GRIA4: variants seen among roughly 807,000 people sequenced by gnomAD.
The protein encoded by GRIA4 is glutamate ionotropic receptor AMPA type subunit 4.
A neutral mutation model predicts 104.0 loss-of-function variants in GRIA4; 34 were observed. The observed-to-expected ratio is 0.33, with a 90% CI of 0.25 to 0.44. GRIA4 has a LOEUF of 0.44. Ranked by LOEUF, GRIA4 falls within the 20% of genes least tolerant of loss-of-function variation. The pLI is 1.00. For synonymous variants in GRIA4, 386 were observed against 381.9 expected (o/e 1.01, Z -0.13); for missense variants, 750 against 1,096.5 (o/e 0.68, Z 4.46).
At chr11:105,695,309 C>G (rs1953230463) in intron 3 of GRIA4, among the ~76,000 whole-genome samples, 2 of 152,180 alleles carry the variant, frequency 1.3e-5, no homozygotes, top group South Asian at 4.1e-4. Flanking sequence ...CTCTTCCCAG[C>G]TGATTCTCTT....
intron 3 of GRIA4, among the ~76,000 whole-genome samples, chr11:105,747,647 A>G (rs1939739442): frequency 6.6e-6 from 1 of 152,176 alleles, no homozygotes; most frequent in South Asian, 2.1e-4. Flanking sequence ...AAGTTGACAA[A>G]CCTAGTAGAT....
At chr11:105,641,449 A>C (rs1408644017) in intron 3 of GRIA4, among the ~76,000 whole-genome samples, 2 of 152,174 alleles carry the variant, frequency 1.3e-5, no homozygotes, top group Non-Finnish European at 2.9e-5. Context: ...CTTAGCTAAG[A>C]CTAGAATATA....
chr11:105,668,675 G>GTTTTTTTTTT (rs368844903), intron 3 of GRIA4, among the ~76,000 whole-genome samples: 4 of 121,450 alleles, frequency 3.3e-5, no homozygotes, highest in Non-Finnish European at 5.0e-5. Context: ...ATTATCTTTT[G>GTTTTTTTTTT]TCTTTTTTTT....
chr11:105,952,065 C>T (rs1330578419), intron 14 of GRIA4, among the ~76,000 whole-genome samples: 1 of 152,186 alleles, frequency 6.6e-6, no homozygotes, highest in Admixed American at 6.5e-5. Flanking sequence ...CTCAATAAAT[C>T]AGTCTTAAAA....
intron 5 of GRIA4, 62 bp from the exon 6 acceptor site, chr11:105,887,457 T>A: frequency 1.4e-6 from 1 of 709,152 alleles, no homozygotes; most frequent in Non-Finnish European, 2.4e-6. Context: ...TAGATAATAA[T>A]TTTAAAATAA....
In GRIA4 at chr11:105,611,100, G is replaced by C. The variant is rs1439695748; in HGVS notation, c.88+15G>C. Reference sequence around the variant, plus strand: ...CGTGCAAATAGGTAAGGTGTGCTCCGATGGGGTGTGCATGTGGCTGGTTGT... The same window carrying C: ...CGTGCAAATAGGTAAGGTGTGCTCCCATGGGGTGTGCATGTGGCTGGTTGT... On this transcript the variant is annotated intron_variant, in intron 2 of 16. Transcript: ENST00000282499. The C allele has an allele frequency of 2.5e-6, 4 of 1,583,460 alleles. No homozygotes were observed. Among genetic ancestry groups the C allele is most frequent in the African/African-American group, 1.3e-5 (1 of 74,232 alleles).
intron 14 of GRIA4, among the ~76,000 whole-genome samples, chr11:105,937,987 A>G (rs1434082810): frequency 6.6e-6 from 1 of 152,008 alleles, no homozygotes; most frequent in Non-Finnish European, 1.5e-5. Flanking sequence ...GGGAGGAAAT[A>G]CTCAGCATGG....
intron 4 of GRIA4, among the ~76,000 whole-genome samples, chr11:105,806,964 GA>G (rs1261388284): frequency 6.6e-6 from 1 of 151,232 alleles, no homozygotes; most frequent in Non-Finnish European, 1.5e-5. Flanking sequence ...ATATAGAAGT[GA>G]AAAACTTAAG....
intron 3 of GRIA4, among the ~76,000 whole-genome samples, chr11:105,752,297 G>C (rs1216095860): frequency 6.6e-6 from 1 of 152,062 alleles, no homozygotes; most frequent in African/African-American, 2.4e-5. Context: ...GTTTGTCTTT[G>C]CTTTTCGGCC....
intron 3 of GRIA4, among the ~76,000 whole-genome samples, chr11:105,621,011 C>G (rs1294676045): frequency 6.6e-6 from 1 of 151,542 alleles, no homozygotes; most frequent in Non-Finnish European, 1.5e-5. Flanking sequence ...TCATCAGGTG[C>G]CTCCGACTTA....
chr11:105,923,744 C>T (rs1223282925), intron 11 of GRIA4, among the ~76,000 whole-genome samples: 1 of 152,030 alleles, frequency 6.6e-6, no homozygotes, highest in Admixed American at 6.6e-5. Context: ...TTTTCAAAAT[C>T]TTTTTTTAAA....
At chr11:105,771,099 A>G (rs144589513) in intron 4 of GRIA4, among the ~76,000 whole-genome samples, 2,049 of 152,110 alleles carry the variant, frequency 0.013, 22 homozygotes, top group Non-Finnish European at 0.019. Flanking sequence ...AATACCCTCT[A>G]TAACTTGTAC....
intron 3 of GRIA4, among the ~76,000 whole-genome samples, chr11:105,644,161 A>G (rs1029147568): frequency 2.0e-5 from 3 of 152,220 alleles, no homozygotes; most frequent in Non-Finnish European, 2.9e-5. Context: ...AAGGAGAAAA[A>G]AAATGTGTGG....
In GRIA4 at chr11:105,611,031, T is replaced by C; in HGVS notation, c.34T>C (p.Phe12Leu). The change falls in exon 2 of 17, where the codon TTT (phenylalanine) becomes CTT (leucine). Residue 12 changes from phenylalanine to leucine, a missense_variant. Phe to Leu is a conservative substitution (Grantham distance 22). Coordinates refer to ENST00000282499, the MANE Select transcript of GRIA4 (RefSeq NM_000829.4). ...TATTTCCAGACAGATTGTCTTGTTA[T>C]TTTCTGGATTTTGGGGACTCGCCAT... ...RIISRQIVLL[F>L]SGFWGLAMGA... 1.2e-6 allele frequency: 2 copies of C among 1,613,656 alleles called. No homozygotes were observed. Among genetic ancestry groups the C allele is most frequent in the Non-Finnish European group, 1.7e-6 (2 of 1,179,700 alleles).
At chr11:105,806,148 GT>G (rs1942944659) in intron 4 of GRIA4, among the ~76,000 whole-genome samples, 1 of 151,726 alleles carries the variant, frequency 6.6e-6, no homozygotes, top group Admixed American at 6.6e-5. Context: ...TGAATTCTTT[GT>G]TTGTTTGTTT....
chr11:105,836,132 G>C (rs1944175222), intron 4 of GRIA4, among the ~76,000 whole-genome samples: 1 of 151,970 alleles, frequency 6.6e-6, no homozygotes, highest in African/African-American at 2.4e-5. Flanking sequence ...CTTAGAAAAA[G>C]GAAAGAAAAT....
At chr11:105,754,855 A>G (rs910721719) in intron 4 of GRIA4, among the ~76,000 whole-genome samples, 5 of 152,190 alleles carry the variant, frequency 3.3e-5, no homozygotes, top group Admixed American at 6.6e-5. Context: ...ATTATTTTAG[A>G]GGTTCCTAAA....
intron 3 of GRIA4, among the ~76,000 whole-genome samples, chr11:105,698,914 C>T (rs1953384306): frequency 1.0e-4 from 1 of 9,720 alleles, no homozygotes; most frequent in Non-Finnish European, 4.1e-3. Context: ...AAGGGGCAGC[C>T]ACTTAAGATA....
rs140088484 is a variant in GRIA4 at position 105,776,360 on chromosome 11, C to T, written c.487+23140C>T. Reference sequence around the variant, plus strand: ...AACATACTATGTAGAAAGGAATAATCGTATTTTCAAAAAAATTATATGAAT... The same window carrying T: ...AACATACTATGTAGAAAGGAATAATTGTATTTTCAAAAAAATTATATGAAT... On this transcript the variant is annotated intron_variant, in intron 4 of 16. Coordinates refer to ENST00000282499, the MANE Select transcript of GRIA4 (RefSeq NM_000829.4). Among the ~76,000 whole-genome samples the T allele has an allele frequency of 9.0e-3, 1,362 of 152,014 alleles. 6 individuals are homozygous for T. The highest frequency in any genetic ancestry group is 0.017 in the Middle Eastern group (5 of 294).
Sources: allele counts gnomAD v4.1 joint callset (sites outside exome capture counted in the v4.1 genomes callset), GRCh38; gene constraint gnomAD v4.1.1; transcripts MANE v1.5; gene names NCBI Gene and HGNC (gene_info 2026-07-23, HGNC 2026-07-21).